The following CRTC1 variants were observed in gnomAD, a reference collection of about 807,000 sequenced individuals.
CRTC1 encodes the protein CREB regulated transcription coactivator 1, also known as CREB-regulated transcription coactivator 1.
CRTC1 carries 18 observed loss-of-function variants against 66.1 expected under a neutral mutation model. That is an observed-to-expected ratio of 0.27 (90% CI 0.19 to 0.40). CRTC1 has a LOEUF of 0.40. Ranked by LOEUF, CRTC1 falls within the 10% of genes least tolerant of loss-of-function variation. The pLI is 1.00. For synonymous variants in CRTC1, 416 were observed against 398.8 expected, an observed-to-expected ratio of 1.04 and a Z score of -0.51; for missense variants, 669 against 887.9, an observed-to-expected ratio of 0.75 and a Z score of 3.13.
chr19:18,719,437 TG>T (rs1326477623), intron 1 of CRTC1, among the ~76,000 whole-genome samples: 1 of 152,178 alleles, frequency 6.6e-6, no homozygotes, highest in East Asian at 1.9e-4. Context: ...GGGTACCAGG[TG>T]GGCCCCGGCA....
intron 1 of CRTC1, among the ~76,000 whole-genome samples, chr19:18,721,195 G>GTT (rs35208922): frequency 0.034 from 4,644 of 136,890 alleles, 152 homozygotes; most frequent in Middle Eastern, 0.052. Context: ...TTCAACCTCT[G>GTT]TTTTTTTTTT....
chr19:18,704,989 A>G (rs1226702580), intron 1 of CRTC1, among the ~76,000 whole-genome samples: 1 of 147,620 alleles, frequency 6.8e-6, no homozygotes, highest in Admixed American at 7.1e-5. Flanking sequence ...TTCCACCTCT[A>G]TGAGTTTGAC....
At chr19:18,766,623 T>A (rs1234011752) in intron 9 of CRTC1, among the ~76,000 whole-genome samples, 1 of 151,706 alleles carries the variant, frequency 6.6e-6, no homozygotes, top group Non-Finnish European at 1.5e-5. Context: ...TTAAAAAAAA[T>A]AATAATAGAG....
chr19:18,750,973 C>T (rs897448655), intron 5 of CRTC1, among the ~76,000 whole-genome samples: 1 of 152,130 alleles, frequency 6.6e-6, no homozygotes, highest in African/African-American at 2.4e-5. Context: ...ATGTCACCAT[C>T]CCCTGGAACA....
rs926773713 is a variant in CRTC1, at chr19:18,760,597, C to G, written c.886+369C>G. ...ATTGGGGGGCGGGACCAGGCCTGACCTGCTTCCTCCACCCGACATCTGACA... is the reference window on the plus strand; with the variant it reads ...ATTGGGGGGCGGGACCAGGCCTGACGTGCTTCCTCCACCCGACATCTGACA... On this transcript the variant is annotated intron_variant, in intron 8 of 13. Transcript: ENST00000321949. This position sits in a 1 kb window ranked among gnomAD's most constrained non-coding sequence, Gnocchi z 6.2. 1.3e-5 allele frequency among the ~76,000 whole-genome samples: 2 copies of G among 151,972 alleles called. No homozygotes were observed. Among genetic ancestry groups the G allele is most frequent in the Non-Finnish European group, 2.9e-5 (2 of 67,932 alleles).
At chr19:18,697,677 GGATCA>G (rs1226526118) in intron 1 of CRTC1, among the ~76,000 whole-genome samples, 2 of 152,226 alleles carry the variant, frequency 1.3e-5, no homozygotes, top group African/African-American at 4.8e-5. Flanking sequence ...CTGCCTCATT[GGATCA>G]TGGTGAGACG....
At chr19:18,703,824 C>A (rs2053201676) in intron 1 of CRTC1, among the ~76,000 whole-genome samples, 1 of 152,148 alleles carries the variant, frequency 6.6e-6, no homozygotes, top group South Asian at 2.1e-4. Context: ...TCTCGAACTC[C>A]TGACCCCAAG....
rs201237421 is a variant in CRTC1, at chr19:18,777,258, A to G, written c.1781A>G (p.Gln594Arg). 2.7e-5 allele frequency: 44 copies of G among 1,603,268 alleles called. 1 individual carries two copies. The highest frequency in any genetic ancestry group is 9.4e-6 in the Non-Finnish European group (11 of 1,176,240). ...VGDVSFDSDS[Q>R]FPLDELKIDP... is the part of the protein sequence containing the mutation. ...GACGTCAGCTTCGACTCCGACAGCCAGTTTCCCCTGGACGAACTCAAGATC... is the reference window on the plus strand; with the variant it reads ...GACGTCAGCTTCGACTCCGACAGCCGGTTTCCCCTGGACGAACTCAAGATC... The change falls in exon 14 of 14, where the codon CAG (glutamine) becomes CGG (arginine). Residue 594 changes from glutamine to arginine, a missense_variant. Physicochemically the swap from Gln to Arg is conservative, Grantham distance 43 (BLOSUM62 1). Around this residue, in one of 8 missense-constraint regions of CRTC1, gnomAD observed 91 missense variants for 99.1 expected, o/e 0.92. Transcript: ENST00000321949. This position sits in a 1 kb window ranked among gnomAD's most constrained non-coding sequence, Gnocchi z 5.5.
intron 5 of CRTC1, among the ~76,000 whole-genome samples, chr19:18,751,088 G>C (rs2054352480): frequency 6.6e-6 from 1 of 152,178 alleles, no homozygotes; most frequent in Non-Finnish European, 1.5e-5. Context: ...AGCGCCTGAG[G>C]TGGTGACAGG....
Position 18,699,335 on chromosome 19 carries a change from T to G in CRTC1, c.126+15507T>G, listed in dbSNP as rs187697857. On this transcript the variant is annotated intron_variant, in intron 1 of 13. Transcript: ENST00000321949. Reference sequence around the variant, plus strand: ...CTGAAGTGAGAAGAGTAGTTTGTGGTCTTCCTGGAGCTCACATTTTTCTAA... The same window carrying G: ...CTGAAGTGAGAAGAGTAGTTTGTGGGCTTCCTGGAGCTCACATTTTTCTAA... Among the ~76,000 whole-genome samples the G allele has an allele frequency of 6.8e-4, 104 of 152,226 alleles. 1 individual carries two copies. Among genetic ancestry groups the G allele is most frequent in the African/African-American group, 2.5e-3 (102 of 41,540 alleles).
chr19:18,740,047 G>A (rs1269543176), intron 1 of CRTC1, among the ~76,000 whole-genome samples: 1 of 152,172 alleles, frequency 6.6e-6, no homozygotes, highest in Non-Finnish European at 1.5e-5. Flanking sequence ...GAGGTCAGGG[G>A]TTCAAGACCA....
At chr19:18,734,808 G>A (rs1438024953) in intron 1 of CRTC1, among the ~76,000 whole-genome samples, 2 of 152,206 alleles carry the variant, frequency 1.3e-5, no homozygotes, top group Non-Finnish European at 1.5e-5. Context: ...GGGTCCGTCA[G>A]GGCTGGCAGC....
chr19:18,691,691 G>A (rs1023992483), intron 1 of CRTC1, among the ~76,000 whole-genome samples: 1 of 151,998 alleles, frequency 6.6e-6, no homozygotes, highest in Non-Finnish European at 1.5e-5. Context: ...GCCTCTGGAG[G>A]AAGCATGGGC....
intron 1 of CRTC1, among the ~76,000 whole-genome samples, chr19:18,731,476 T>A (rs1322282043): frequency 6.6e-6 from 1 of 152,168 alleles, no homozygotes; most frequent in Non-Finnish European, 1.5e-5. Context: ...TCCAGGATGA[T>A]CTCATTTCAA....
chr19:18,739,339 C>T (rs2054064556), intron 1 of CRTC1, among the ~76,000 whole-genome samples: 1 of 152,224 alleles, frequency 6.6e-6, no homozygotes, highest in South Asian at 2.1e-4. Context: ...GAGGGTTACA[C>T]CTTGAGGTGG....
rs577189313 is a variant in CRTC1 at position 18,760,772 on chromosome 19, C to T, written c.886+544C>T. Among the ~76,000 whole-genome samples the T allele has an allele frequency of 1.2e-4, 19 of 152,182 alleles. No homozygotes were observed. Among genetic ancestry groups the T allele is most frequent in the African/African-American group, 2.7e-4 (11 of 41,486 alleles). ...TGGCGCTGCTGCCGCCCTGCTCCCC[C>T]GGGACCCCCCTCCTGTGGCTGCACT... is the stretch of plus-strand genomic sequence containing the variant. On this transcript the variant is annotated intron_variant, in intron 8 of 13. Coordinates refer to ENST00000321949, the MANE Select transcript of CRTC1 (RefSeq NM_015321.3). This position sits in a 1 kb window ranked among gnomAD's most constrained non-coding sequence, Gnocchi z 6.2.
intron 8 of CRTC1, among the ~76,000 whole-genome samples, chr19:18,764,436 C>T (rs1015357744): frequency 5.3e-5 from 8 of 152,346 alleles, no homozygotes; most frequent in Non-Finnish European, 1.0e-4. Context: ...CTCCTGCCAT[C>T]GAGGGGCCTG....
chr19:18,700,512 AAAAAAAATG>A (rs2053109883), intron 1 of CRTC1, among the ~76,000 whole-genome samples: 1 of 151,836 alleles, frequency 6.6e-6, no homozygotes, highest in South Asian at 2.1e-4. Context: ...TTTTTTAAAT[AAAAAAAATG>A]AAAATAAAGA....
chr19:18,747,628 A>G (rs1348678462), intron 4 of CRTC1, among the ~76,000 whole-genome samples: 6 of 152,156 alleles, frequency 3.9e-5, no homozygotes, highest in African/African-American at 1.2e-4. Context: ...GTGAGACTCC[A>G]TCGCAAGAAA....
Sources: gnomAD v4.1 joint callset for allele counts (sites outside exome capture counted in the v4.1 genomes callset) on GRCh38, gnomAD v4.1.1 for gene constraint, gnomAD v4.1.1 regional missense constraint, Gnocchi (gnomAD v3.1) non-coding constraint, MANE v1.5 for transcripts, NCBI Gene and HGNC (gene_info 2026-07-23, HGNC 2026-07-21) for gene names.